The following ASNS variants were observed in gnomAD, a reference collection of about 807,000 sequenced individuals.
The protein encoded by ASNS is asparagine synthetase [glutamine-hydrolyzing].
A neutral mutation model predicts 62.6 loss-of-function variants in ASNS; 37 were observed. The observed-to-expected ratio is 0.59, with a 90% CI of 0.45 to 0.78. ASNS has a LOEUF of 0.78. ASNS is among the 30% of genes least tolerant of loss of function. The probability of loss-of-function intolerance (pLI) is 0.00; values close to 1 mark genes in which losing one functional copy is unlikely to be tolerated. For missense variants in ASNS, 520 were observed against 682.4 expected (o/e 0.76, Z 2.65); for synonymous variants, 207 against 237.9 (o/e 0.87, Z 1.19).
the ASNS span, among the ~76,000 whole-genome samples, chr7:97,905,544 TC>T: frequency 1.3e-5 from 2 of 152,182 alleles, no homozygotes; most frequent in Non-Finnish European, 2.9e-5. Flanking sequence ...TTAAACCTCT[TC>T]CATATCTCAA....
intron 7 of ASNS, 99 bp from the exon 8 acceptor site, chr7:97,856,915 T>C (rs879004194): frequency 8.0e-7 from 1 of 1,252,506 alleles, no homozygotes; most frequent in East Asian, 2.3e-5. Context: ...GAATTAACAA[T>C]GGTGAAAACT....
the ASNS span, among the ~76,000 whole-genome samples, chr7:97,910,557 G>A: frequency 6.6e-6 from 1 of 151,996 alleles, no homozygotes; most frequent in African/African-American, 2.4e-5. Flanking sequence ...TAAGGAGCAG[G>A]GGCCAGATGG....
upstream of ASNS, among the ~76,000 whole-genome samples, chr7:97,876,452 G>A (rs1490991455): frequency 2.1e-5 from 3 of 141,746 alleles, no homozygotes; most frequent in Non-Finnish European, 3.0e-5. Flanking sequence ...TTTTTGAGAC[G>A]GAGTCTTGCT....
chr7:97,915,342 T>G, the ASNS span, among the ~76,000 whole-genome samples: 1 of 152,180 alleles, frequency 6.6e-6, no homozygotes, highest in African/African-American at 2.4e-5. Context: ...ACCATCACTA[T>G]CTAATACTGA....
the ASNS span, among the ~76,000 whole-genome samples, chr7:97,923,733 T>C: frequency 1.3e-5 from 2 of 152,196 alleles, no homozygotes; most frequent in African/African-American, 4.8e-5. Context: ...CAACGTCAAC[T>C]TCCTGTCCTT....
At chr7:97,890,898 A>C in the ASNS span, among the ~76,000 whole-genome samples, 1 of 152,248 alleles carries the variant, frequency 6.6e-6, no homozygotes, top group Non-Finnish European at 1.5e-5. Context: ...CCATCATGAA[A>C]ATACATGAAA....
At chr7:97,924,614 C>T in the ASNS span, among the ~76,000 whole-genome samples, 2 of 152,156 alleles carry the variant, frequency 1.3e-5, no homozygotes, top group South Asian at 2.1e-4. Context: ...CCCTGCCTGC[C>T]CACATCCCTG....
chr7:97,852,479 A>G lies in ASNS; in HGVS notation c.1477-11T>C. On this transcript the variant is annotated splice_polypyrimidine_tract_variant and intron_variant, in intron 12 of 12. Coordinates refer to ENST00000394308, the MANE Select transcript of ASNS (RefSeq NM_001673.5). ...CATTGCATCATCAACCTGTAAGAAT[A>G]AGCATATAAGAGCAAAATGGCTTAA... 6.2e-7 allele frequency: 1 copy of G among 1,613,420 alleles called. No individual in the cohort carries two copies. Among genetic ancestry groups the G allele is most frequent in the Non-Finnish European group, 8.5e-7 (1 of 1,179,352 alleles).
At chr7:97,894,695 T>C in the ASNS span, among the ~76,000 whole-genome samples, 1 of 152,082 alleles carries the variant, frequency 6.6e-6, no homozygotes. Flanking sequence ...AAACCTGAAC[T>C]GACCCAAAAT....
At chr7:97,925,645 T>C in the ASNS span, among the ~76,000 whole-genome samples, 1 of 152,188 alleles carries the variant, frequency 6.6e-6, no homozygotes, top group Non-Finnish European at 1.5e-5. Context: ...ACCTGCAACG[T>C]GGATGCACCT....
At chr7:97,916,125 G>A in the ASNS span, among the ~76,000 whole-genome samples, 1 of 152,260 alleles carries the variant, frequency 6.6e-6, no homozygotes, top group Non-Finnish European at 1.5e-5. Flanking sequence ...GCTCACGCCT[G>A]TAATCCCAGC....
intron 10 of ASNS, 150 bp from the exon 11 acceptor site, chr7:97,853,536 C>A: frequency 1.7e-6 from 1 of 602,258 alleles, no homozygotes; most frequent in East Asian, 2.8e-5. Context: ...GACTGCCCTA[C>A]ACTAATGAAT....
Position 97,855,376 on chromosome 7 carries a change from G to A in ASNS, c.1114C>T (p.Gln372Ter), listed in dbSNP as rs754822841. The A allele has an allele frequency of 1.9e-6, 3 of 1,612,508 alleles. No homozygotes were observed. The South Asian group carries it at 3.3e-5, about 18-fold the overall frequency. Residue 372 changes from glutamine (Q) to a stop codon, truncating the protein, a stop_gained, in exon 9 of 13, where the codon CAG (glutamine) becomes TAG (stop). Transcript: ENST00000394308. LOFTEE classifies it high-confidence loss of function. ...FSGEGSDELT[Q>*]GYIYFHKAPS... ...ACCTTGTGAAAATATATGTAACCCT[G>A]CGTAAGTTCATCTGATCCTTCTCCA...
chr7:97,913,950 G>A, the ASNS span, among the ~76,000 whole-genome samples: 1 of 151,394 alleles, frequency 6.6e-6, no homozygotes, highest in Non-Finnish European at 1.5e-5. Context: ...GGGGGTGGAG[G>A]GATAGATAAA....
rs1791582512 is a variant in ASNS at position 97,858,868 on chromosome 7, C to T, written c.761G>A (p.Gly254Asp). The T allele has an allele frequency of 6.2e-7, 1 of 1,611,530 alleles. No homozygotes were observed. Residue 254 changes from glycine to aspartate, a missense_variant, in exon 6 of 13, where the codon GGC becomes GAC. Gly to Asp is a moderately conservative substitution (Grantham distance 94). Transcript: ENST00000394308. Reference sequence around the variant, plus strand: ...ATTGACTTCACCTGATAAAAGGCAGCCAATCCTTCTGTCTGTCATCAAACG... The same window carrying T: ...ATTGACTTCACCTGATAAAAGGCAGTCAATCCTTCTGTCTGTCATCAAACG... ...KKRLMTDRRI[G>D]CLLSGGLDSS...
intron 10 of ASNS, 116 bp from the exon 11 acceptor site, chr7:97,853,502 A>T: frequency 1.3e-6 from 1 of 797,652 alleles, no homozygotes; most frequent in Middle Eastern, 3.7e-4. Context: ...TTAAGGTCAT[A>T]CAGTCACATA....
the ASNS span, among the ~76,000 whole-genome samples, chr7:97,909,901 C>G: frequency 1.4e-4 from 21 of 152,082 alleles, no homozygotes; most frequent in Non-Finnish European, 2.9e-4. Context: ...TTGTCTCTCA[C>G]TTACCAACAC....
At chr7:97,902,660 G>T in the ASNS span, among the ~76,000 whole-genome samples, 1 of 152,216 alleles carries the variant, frequency 6.6e-6, no homozygotes, top group Admixed American at 6.5e-5. Context: ...GGCAGAGGCT[G>T]CAGTGAGCCA....
the ASNS span, among the ~76,000 whole-genome samples, chr7:97,926,237 C>T: frequency 6.6e-6 from 1 of 151,990 alleles, no homozygotes; most frequent in Non-Finnish European, 1.5e-5. Context: ...ACATTAAAAC[C>T]TCAGCCATCC....
Sources: gnomAD v4.1 joint callset for allele counts (sites outside exome capture counted in the v4.1 genomes callset) on GRCh38, gnomAD v4.1.1 for gene constraint, MANE v1.5 for transcripts, NCBI Gene and HGNC (gene_info 2026-07-23, HGNC 2026-07-21) for gene names.